MGAM: variants seen among roughly 807,000 people sequenced by gnomAD.
The protein encoded by MGAM is maltase-glucoamylase, also known as alpha-1,4-glucosidase.
A neutral mutation model predicts 358.8 loss-of-function variants in MGAM; 253 were observed. The observed-to-expected ratio is 0.71, with a 90% CI of 0.64 to 0.78. The LOEUF is 0.78. Ranked by LOEUF, MGAM falls within the 30% of genes least tolerant of loss-of-function variation. The pLI is 0.00. For synonymous variants in MGAM, 1,105 were observed against 1,227.1 expected (o/e 0.90, Z 2.08); for missense variants, 3,080 against 3,432.6 (o/e 0.90, Z 2.57).
In MGAM at chr7:142,101,840, G is replaced by A. The variant is rs543231464; in HGVS notation, c.7964-790G>A. On this transcript the variant is annotated intron_variant, in intron 68 of 70. Transcript: ENST00000475668. ...GGAGAATTGCTTGTACCCGGGAGGC[G>A]GAGGTTGCAGTGAGCCGAGATCATG... Among the ~76,000 whole-genome samples the A allele has an allele frequency of 7.9e-5, 12 of 151,772 alleles. No individual in the cohort carries two copies. The East Asian group carries it at 9.7e-4, about 12-fold the overall frequency.
chr7:142,027,945 T>G (rs1214394570), intron 10 of MGAM, among the ~76,000 whole-genome samples: 1 of 152,170 alleles, frequency 6.6e-6, no homozygotes, highest in Non-Finnish European at 1.5e-5. Context: ...TGAAATAGAT[T>G]GGGAGACCAT....
intron 21 of MGAM, among the ~76,000 whole-genome samples, chr7:142,042,779 A>G (rs1217659931): frequency 1.8e-4 from 14 of 79,168 alleles, no homozygotes; most frequent in African/African-American, 7.1e-4. Flanking sequence ...ACATATATCT[A>G]AATATAATAT....
At chr7:142,094,215 A>G in intron 60 of MGAM, 149 bp from the exon 61 acceptor site, 1 of 966,818 alleles carries the variant, frequency 1.0e-6, no homozygotes, top group Non-Finnish European at 1.5e-6. Context: ...ATCTGGGATC[A>G]GTGGAGCCCC....
chr7:142,100,755 G>A, intron 67 of MGAM, 47 bp from the exon 68 acceptor site: 1 of 1,521,516 alleles, frequency 6.6e-7, no homozygotes, highest in Non-Finnish European at 9.0e-7. Context: ...TTGGTTTGTG[G>A]CTGTGGCTTT....
In MGAM at chr7:142,091,837, T is replaced by C. The variant is rs1004110423; in HGVS notation, c.6811-76T>C. 7 of 1,351,660 alleles carry C rather than the reference T, an allele frequency of 5.2e-6. 2 individuals carry two copies. Among genetic ancestry groups the C allele is most frequent in the African/African-American group, 4.2e-5 (3 of 70,848 alleles). 83.7% of individuals were successfully genotyped at this position (1,351,660 alleles called of 1,614,324 possible). A position where few individuals can be genotyped will look rare whatever the true frequency, so the allele number is the denominator to read the frequency against. ...CATGCAGTTGAAGTATTTGTGCGAG[T>C]TGCATTCTCAGTAAGTGCCTGTTTG... On this transcript the variant is annotated intron_variant, in intron 57 of 70. Coordinates refer to ENST00000475668, the MANE Select transcript of MGAM (RefSeq NM_001365693.1).
intron 30 of MGAM, among the ~76,000 whole-genome samples, chr7:142,057,995 A>C (rs1811722726): frequency 2.6e-5 from 4 of 152,182 alleles, no homozygotes; most frequent in South Asian, 4.2e-4. Context: ...GTAACATCAG[A>C]TTTTCCATAA....
chr7:142,074,292 A>G, intron 45 of MGAM, 119 bp downstream of exon 45: 1 of 761,610 alleles, frequency 1.3e-6, no homozygotes, highest in Non-Finnish European at 2.1e-6. Flanking sequence ...AGCAAGAGTC[A>G]CTTAAGTATT....
intron 26 of MGAM, 101 bp from the exon 27 acceptor site, chr7:142,054,653 C>CAT (rs1811311924): frequency 8.1e-7 from 1 of 1,233,432 alleles, no homozygotes; most frequent in African/African-American, 1.5e-5. Flanking sequence ...AAGATAGAAA[C>CAT]ATAGCATCTG....
chr7:141,992,311 T>C (rs782495524), upstream of MGAM, among the ~76,000 whole-genome samples: 56 of 152,352 alleles, frequency 3.7e-4, no homozygotes, highest in South Asian at 1.2e-3. Context: ...TAAGCAGACC[T>C]GGGCTTTGCA....
intron 64 of MGAM, chr7:142,096,056 C>A: frequency 3.4e-6 from 2 of 594,132 alleles, no homozygotes; most frequent in Non-Finnish European, 6.0e-6. Context: ...GGGAAAAGGG[C>A]CATCCTTGCA....
chr7:142,096,657 G>T (rs1225091420), intron 65 of MGAM, among the ~76,000 whole-genome samples: 1 of 152,158 alleles, frequency 6.6e-6, no homozygotes, highest in Non-Finnish European at 1.5e-5. Flanking sequence ...ACACCTCATG[G>T]TATATTCAAT....
At chr7:141,990,229 A>G (rs982315797) in intron 2 of MGAM, among the ~76,000 whole-genome samples, 1 of 152,222 alleles carries the variant, frequency 6.6e-6, no homozygotes, top group Admixed American at 6.5e-5. Flanking sequence ...TACAACACAC[A>G]TAGAATGCTT....
At chr7:142,003,359 A>G (rs1189878126) in intron 1 of MGAM, among the ~76,000 whole-genome samples, 6 of 152,096 alleles carry the variant, frequency 3.9e-5, no homozygotes, top group Non-Finnish European at 8.8e-5. Context: ...CAGTACTGGT[A>G]TAGAAATAGA....
chr7:141,998,555 T>C (rs781953501), intron 1 of MGAM, among the ~76,000 whole-genome samples: 4 of 152,190 alleles, frequency 2.6e-5, no homozygotes, highest in East Asian at 1.9e-4. Flanking sequence ...TGGCTTCCAG[T>C]TTCATCCATG....
At position 142,093,139 on chromosome 7, in the gene MGAM, C is replaced by G. The variant is rs147529428; in HGVS notation, c.7034-273C>G. On this transcript the variant is annotated intron_variant, in intron 59 of 70. Coordinates refer to ENST00000475668, the MANE Select transcript of MGAM (RefSeq NM_001365693.1). ...AGAATTATGGAAATAATTGGCAAGTCAAAAGCCTAAATAAGAGCCTGTCAT... is the reference window on the plus strand; with the variant it reads ...AGAATTATGGAAATAATTGGCAAGTGAAAAGCCTAAATAAGAGCCTGTCAT... Among the ~76,000 whole-genome samples, 2 of 146,560 alleles carry G rather than the reference C, an allele frequency of 1.4e-5. 1 individual carries two copies. The highest frequency in any genetic ancestry group is 3.1e-5 in the Non-Finnish European group (2 of 64,686).
chr7:142,019,344 A>G (rs1316008185), intron 4 of MGAM, 25 bp downstream of exon 4: 3 of 1,608,210 alleles, frequency 1.9e-6, no homozygotes, highest in East Asian at 4.5e-5. Context: ...GCCATGATGC[A>G]GGAGGTCCAG....
Position 142,068,284 on chromosome 7 carries a change from A to G in MGAM, c.5005-363A>G, listed in dbSNP as rs1487741901. On this transcript the variant is annotated intron_variant, in intron 42 of 70. Transcript: ENST00000475668. ...AGAGCTGGGATTACAGGCATGAGCC[A>G]TCGCGCCCGGCCCCAAAATCTCATT... Among the ~76,000 whole-genome samples, 8 of 142,534 alleles carry G rather than the reference A, an allele frequency of 5.6e-5. 1 individual carries two copies. In the East Asian group the frequency reaches 6.2e-4, roughly 11 times the overall value. The allele number at this position is 142,534 out of a possible 152,430, so 93.5% of individuals were successfully genotyped here. A position where few individuals can be genotyped will look rare whatever the true frequency, so the allele number is the denominator to read the frequency against.
At position 142,093,670 on chromosome 7, in the gene MGAM, C is replaced by T. The variant is rs531956409; in HGVS notation, c.7172+120C>T. ...AGGGTTAAGAAGATTCTCATGACAA[C>T]TGTGTAATGATTCTTATTAGATAAA... On this transcript the variant is annotated intron_variant, in intron 60 of 70. Coordinates refer to ENST00000475668, the MANE Select transcript of MGAM (RefSeq NM_001365693.1). The T allele has an allele frequency of 3.6e-6, 4 of 1,112,370 alleles. 1 individual carries two copies. The highest frequency in any genetic ancestry group is 5.1e-6 in the Non-Finnish European group (4 of 791,224). The allele number at this position is 1,112,370 out of a possible 1,614,324, so 68.9% of individuals were successfully genotyped here.
At chr7:142,040,895 C>T in intron 21 of MGAM, 49 bp downstream of exon 21, 1 of 1,543,930 alleles carries the variant, frequency 6.5e-7, no homozygotes, top group Non-Finnish European at 8.7e-7. Context: ...CTTGCTTAAA[C>T]CCTTTGAATT....
Sources: allele counts gnomAD v4.1 joint callset (sites outside exome capture counted in the v4.1 genomes callset), GRCh38; gene constraint gnomAD v4.1.1; transcripts MANE v1.5; gene names NCBI Gene and HGNC (gene_info 2026-07-23, HGNC 2026-07-21).